LMO7: variants seen among roughly 807,000 people sequenced by gnomAD.
The protein encoded by LMO7 is LIM domain 7.
A neutral mutation model predicts 206.5 loss-of-function variants in LMO7; 120 were observed. That is an observed-to-expected ratio of 0.58 (90% CI 0.50 to 0.68). The LOEUF is 0.68. Ranked by LOEUF, LMO7 falls within the 30% of genes least tolerant of loss-of-function variation. The pLI, the probability that LMO7 is intolerant of heterozygous loss-of-function variation, is 0.00. For synonymous variants in LMO7, 706 were observed against 681.5 expected (o/e 1.04, Z -0.56); for missense variants, 1,959 against 1,957.9 (o/e 1.00, Z -0.01).
chr13:75,806,214 G>A (rs953423701), intron 9 of LMO7: 21 of 992,658 alleles, frequency 2.1e-5, no homozygotes, highest in Non-Finnish European at 2.3e-5. Context: ...TAAAATCACC[G>A]GACTCCCATG....
At chr13:75,640,981 C>A (rs900578269) in intron 1 of LMO7, among the ~76,000 whole-genome samples, 1 of 152,190 alleles carries the variant, frequency 6.6e-6, no homozygotes. Flanking sequence ...TACATTTAGT[C>A]ATCTCAAAAA....
chr13:75,793,533 C>T (rs535295913), intron 4 of LMO7, among the ~76,000 whole-genome samples: 1 of 152,266 alleles, frequency 6.6e-6, no homozygotes, highest in Non-Finnish European at 1.5e-5. Context: ...TCCTCAGCCT[C>T]CCAAAGTGCT....
chr13:75,735,378 C>T (rs184091431), intron 3 of LMO7, among the ~76,000 whole-genome samples: 16 of 152,104 alleles, frequency 1.1e-4, no homozygotes, highest in African/African-American at 3.9e-4. Flanking sequence ...CACACACACA[C>T]ACACAACTTT....
intron 25 of LMO7, among the ~76,000 whole-genome samples, chr13:75,843,509 T>A (rs1299406682): frequency 6.6e-6 from 1 of 152,190 alleles, no homozygotes; most frequent in Non-Finnish European, 1.5e-5. Flanking sequence ...ATCTTCATTT[T>A]AAAAAGGTTA....
At chr13:75,837,220 C>T (rs903975830) in intron 19 of LMO7, among the ~76,000 whole-genome samples, 1 of 152,076 alleles carries the variant, frequency 6.6e-6, no homozygotes, top group Admixed American at 6.5e-5. Context: ...CTTTCCTCAT[C>T]GATTATTTAA....
intron 1 of LMO7, among the ~76,000 whole-genome samples, chr13:75,667,885 T>C (rs1043926643): frequency 6.6e-6 from 1 of 152,218 alleles, no homozygotes; most frequent in South Asian, 2.1e-4. Flanking sequence ...TTATGTTTTG[T>C]CAAAAAGTGT....
At chr13:75,745,305 C>T (rs1194101651) in intron 3 of LMO7, among the ~76,000 whole-genome samples, 2 of 152,084 alleles carry the variant, frequency 1.3e-5, no homozygotes, top group East Asian at 3.9e-4. Context: ...CTTTTGAGAA[C>T]AATCTGTTGT....
chr13:75,696,754 G>A (rs760289031), intron 1 of LMO7, among the ~76,000 whole-genome samples: 1 of 152,104 alleles, frequency 6.6e-6, no homozygotes, highest in Non-Finnish European at 1.5e-5. Flanking sequence ...CAGGCGTTAT[G>A]CTGGGTCTTG....
At chr13:75,627,584 C>T (rs1230833014) in intron 2 of LMO7, 1 of 132,462 alleles carries the variant, frequency 7.5e-6, no homozygotes, top group African/African-American at 2.8e-5. Flanking sequence ...AAATTCTTTA[C>T]CAAAACATAA....
chr13:75,758,035 G>C (rs1411848499), intron 3 of LMO7, among the ~76,000 whole-genome samples: 3 of 152,118 alleles, frequency 2.0e-5, no homozygotes, highest in African/African-American at 7.2e-5. Context: ...ATGGGTTACA[G>C]ATTCACAAAC....
At chr13:75,753,440 G>T (rs1345218026) in intron 3 of LMO7, among the ~76,000 whole-genome samples, 12 of 152,030 alleles carry the variant, frequency 7.9e-5, no homozygotes, top group Non-Finnish European at 2.9e-5. Context: ...TCTTGTTTTT[G>T]TTGCCCGTGC....
chr13:75,825,571 C>T (rs2058044277), intron 15 of LMO7, among the ~76,000 whole-genome samples: 1 of 152,110 alleles, frequency 6.6e-6, no homozygotes. Flanking sequence ...GAGGGTATTC[C>T]ACCAAGAAAA....
intron 1 of LMO7, among the ~76,000 whole-genome samples, chr13:75,706,372 G>A (rs984061456): frequency 6.6e-6 from 1 of 152,076 alleles, no homozygotes; most frequent in Non-Finnish European, 1.5e-5. Context: ...TTTATTTTAG[G>A]GGGAGTCTTA....
At chr13:75,689,169 A>C (rs984200258) in intron 1 of LMO7, 2 of 152,122 alleles carry the variant, frequency 1.3e-5, no homozygotes, top group Non-Finnish European at 2.9e-5. Context: ...CACTTCATTT[A>C]GGTCAGGAAT....
intron 1 of LMO7, among the ~76,000 whole-genome samples, chr13:75,707,514 G>A (rs767184463): frequency 3.3e-5 from 5 of 151,848 alleles, no homozygotes; most frequent in African/African-American, 1.2e-4. Flanking sequence ...TCTACAGAAC[G>A]CCATGAAACA....
intron 3 of LMO7, among the ~76,000 whole-genome samples, chr13:75,730,384 C>A (rs1260099318): frequency 6.6e-6 from 1 of 152,130 alleles, no homozygotes; most frequent in Non-Finnish European, 1.5e-5. Context: ...GGAATTTATC[C>A]ATTTCTTCTA....
chr13:75,807,210 G>T, intron 9 of LMO7: 1 of 400,336 alleles, frequency 2.5e-6, no homozygotes, highest in Non-Finnish European at 4.6e-6. Context: ...CCATGCTCCA[G>T]CCCCATCCGT....
intron 4 of LMO7, among the ~76,000 whole-genome samples, chr13:75,794,576 G>T (rs1201396948): frequency 1.3e-5 from 2 of 152,066 alleles, no homozygotes; most frequent in South Asian, 2.1e-4. Flanking sequence ...TGTTAGACTG[G>T]ACAGGCCAAT....
At chr13:75,736,465 A>G (rs1190685007) in intron 3 of LMO7, among the ~76,000 whole-genome samples, 1 of 152,254 alleles carries the variant, frequency 6.6e-6, no homozygotes, top group Non-Finnish European at 1.5e-5. Context: ...AGGATAATAT[A>G]CAGATGGTCT....
Sources: allele counts gnomAD v4.1 joint callset (sites outside exome capture counted in the v4.1 genomes callset), GRCh38; gene constraint gnomAD v4.1.1; transcripts MANE v1.5; gene names NCBI Gene and HGNC (gene_info 2026-07-23, HGNC 2026-07-21).